Variants in DNAH8 observed in about 807,000 individuals in gnomAD.
DNAH8 encodes axonemal beta dynein heavy chain 8.
In DNAH8, 382 loss-of-function variants were observed where a neutral mutation model predicts 562.1. That is an observed-to-expected ratio of 0.68 (90% CI 0.63 to 0.74). The LOEUF is 0.74. DNAH8 is among the 30% of genes least tolerant of loss of function. The probability of loss-of-function intolerance (pLI) is 0.00; values close to 1 mark genes in which losing one functional copy is unlikely to be tolerated. For missense variants in DNAH8, 5,203 were observed against 5,620.4 expected (o/e 0.93, Z 2.37); for synonymous variants, 1,881 against 1,919.4 (o/e 0.98, Z 0.52).
intron 79 of DNAH8, among the ~76,000 whole-genome samples, chr6:38,941,830 A>G (rs1394396317): frequency 6.6e-6 from 1 of 152,160 alleles, no homozygotes; most frequent in East Asian, 1.9e-4. Context: ...AATCTGGGGA[A>G]GCCTCATATC....
intron 91 of DNAH8, among the ~76,000 whole-genome samples, chr6:39,012,988 C>T (rs1489610799): frequency 1.3e-5 from 2 of 152,110 alleles, no homozygotes; most frequent in Non-Finnish European, 2.9e-5. Flanking sequence ...AAATGAAGCA[C>T]CAAAAGATGC....
Position 38,917,261 on chromosome 6 carries a change from CCA to C in DNAH8, c.10166_10167del (p.Thr3389SerfsTer27). 6.2e-7 allele frequency: 1 copy of C among 1,611,808 alleles called. No homozygotes were observed. Among genetic ancestry groups the C allele is most frequent in the South Asian group, 1.1e-5 (1 of 90,556 alleles). On this transcript the variant is annotated frameshift_variant, in exon 69 of 93. Transcript: ENST00000327475. LOFTEE classifies it high-confidence loss of function. ...TAGACTATCAAGCCAAATGATATTG[CCA>C]CAGTCAGGAAACTTGCAAAACCACC...
chr6:38,929,400 T>C, intron 74 of DNAH8, 111 bp from the exon 75 acceptor site: 1 of 1,105,776 alleles, frequency 9.0e-7, no homozygotes. Context: ...GTAAGTCTTC[T>C]TCTATTGCCC....
chr6:38,750,881 C>T (rs959185545), intron 9 of DNAH8, among the ~76,000 whole-genome samples: 2 of 152,142 alleles, frequency 1.3e-5, no homozygotes, highest in African/African-American at 4.8e-5. Context: ...TTAAAATATA[C>T]ATTTTCCTCT....
chr6:38,805,736 T>C, intron 23 of DNAH8, 140 bp downstream of exon 23: 2 of 543,490 alleles, frequency 3.7e-6, no homozygotes, highest in South Asian at 4.5e-5. Context: ...AATTTTCAAT[T>C]TTATACTGTA....
chr6:38,981,255 C>T (rs1004807143), intron 85 of DNAH8, among the ~76,000 whole-genome samples: 4 of 151,954 alleles, frequency 2.6e-5, no homozygotes, highest in Non-Finnish European at 2.9e-5. Context: ...TTATGTGTTG[C>T]GATAGGAAAA....
intron 21 of DNAH8, among the ~76,000 whole-genome samples, chr6:38,792,389 G>C (rs1769844893): frequency 1.3e-5 from 2 of 151,954 alleles, no homozygotes; most frequent in African/African-American, 4.8e-5. Context: ...TCCCAGCCTA[G>C]GATTTTTTTC....
At chr6:38,929,480 A>G in intron 74 of DNAH8, 31 bp from the exon 75 acceptor site, 2 of 1,576,090 alleles carry the variant, frequency 1.3e-6, no homozygotes, top group Admixed American at 1.8e-5. Flanking sequence ...TCTTTGTAAC[A>G]CAGATAGACC....
intron 36 of DNAH8, among the ~76,000 whole-genome samples, chr6:38,846,746 T>C (rs1179161483): frequency 2.0e-5 from 3 of 152,212 alleles, no homozygotes; most frequent in African/African-American, 7.2e-5. Context: ...ACTTCCTGGA[T>C]GATGACCTCT....
chr6:38,814,274 A>G (rs1772053139), intron 25 of DNAH8, 145 bp downstream of exon 25: 1 of 603,032 alleles, frequency 1.7e-6, no homozygotes, highest in Non-Finnish European at 2.9e-6. Flanking sequence ...TGTCATTTAT[A>G]TCTGTTATGA....
intron 80 of DNAH8, among the ~76,000 whole-genome samples, chr6:38,947,159 C>T (rs943972974): frequency 6.6e-6 from 1 of 152,296 alleles, no homozygotes; most frequent in East Asian, 1.9e-4. Context: ...AAAGCTCATG[C>T]TCTTCCCATG....
intron 58 of DNAH8, among the ~76,000 whole-genome samples, chr6:38,892,126 C>T (rs1055293768): frequency 7.2e-5 from 11 of 152,214 alleles, no homozygotes; most frequent in African/African-American, 2.6e-4. Flanking sequence ...TAAAGTCCCC[C>T]TTCTTCTTTC....
intron 3 of DNAH8, among the ~76,000 whole-genome samples, chr6:38,723,970 T>TTTAATTAATTAATTAA (rs68148878): frequency 2.1e-5 from 3 of 142,196 alleles, no homozygotes; most frequent in Non-Finnish European, 3.2e-5. Context: ...TCTTTTTAAA[T>TTTAATTAATTAATTAA]TTAATTAATT....
rs1764216167 is a variant in DNAH8, at chr6:38,737,829, G to A, written c.973G>A (p.Gly325Arg). ...TTTAGGTGCTAGAATAAGTATTGAGGGAACAGTGAAGTTAAAGACAATAGA... is the reference window on the plus strand; with the variant it reads ...TTTAGGTGCTAGAATAAGTATTGAGAGAACAGTGAAGTTAAAGACAATAGA... The part of the protein sequence containing the change: ...FLDGARISIE[G>R]TVKLKTIDNV... Residue 325 changes from glycine to arginine, a missense_variant, in exon 7 of 93, where the codon GGA (glycine) becomes AGA (arginine). Physicochemically the swap from Gly to Arg is moderately radical, Grantham distance 125. Coordinates refer to ENST00000327475, the MANE Select transcript of DNAH8 (RefSeq NM_001206927.2). 6.5e-7 allele frequency: 1 copy of A among 1,547,308 alleles called. No individual in the cohort carries two copies. The highest frequency in any genetic ancestry group is 8.7e-7 in the Non-Finnish European group (1 of 1,150,896).
chr6:38,845,529 T>G (rs753898578), intron 35 of DNAH8, 45 bp from the exon 36 acceptor site: 2 of 1,497,910 alleles, frequency 1.3e-6, no homozygotes, highest in African/African-American at 2.8e-5. Flanking sequence ...GCACTTAATT[T>G]GTAGTTGAAA....
At chr6:38,885,958 A>G (rs990179678) in intron 56 of DNAH8, among the ~76,000 whole-genome samples, 1 of 152,232 alleles carries the variant, frequency 6.6e-6, no homozygotes, top group African/African-American at 2.4e-5. Flanking sequence ...AGAGGCTGGC[A>G]CACAGTAGTC....
intron 53 of DNAH8, 148 bp from the exon 54 acceptor site, chr6:38,882,762 A>ATAGC: frequency 1.8e-6 from 1 of 553,480 alleles, no homozygotes; most frequent in Non-Finnish European, 3.0e-6. Flanking sequence ...TAGACATAAG[A>ATAGC]TAAGCAGATA....
chr6:38,880,212 A>C (rs1459789295), intron 53 of DNAH8, among the ~76,000 whole-genome samples: 1 of 152,150 alleles, frequency 6.6e-6, no homozygotes, highest in Non-Finnish European at 1.5e-5. Context: ...GTGCCACTGC[A>C]CTCCGGCCTG....
intron 87 of DNAH8, 95 bp downstream of exon 87, chr6:38,984,402 G>A (rs911334895): frequency 1.3e-6 from 1 of 752,430 alleles, no homozygotes; most frequent in Non-Finnish European, 2.4e-6. Context: ...CAAGCATACA[G>A]CAGAGCTGCT....
Sources: gnomAD v4.1 joint callset for allele counts (sites outside exome capture counted in the v4.1 genomes callset) on GRCh38, gnomAD v4.1.1 for gene constraint, MANE v1.5 for transcripts, NCBI Gene and HGNC (gene_info 2026-07-23, HGNC 2026-07-21) for gene names.